The following OTC variants were observed in gnomAD, a reference collection of about 807,000 sequenced individuals.
OTC encodes ornithine transcarbamylase, mitochondrial.
Under a neutral mutation model 30.3 loss-of-function variants are expected in OTC, and 3 were observed. That is an observed-to-expected ratio of 0.10 (90% CI 0.05 to 0.26). OTC has a LOEUF of 0.26. Ranked by LOEUF, OTC falls within the 10% of genes least tolerant of loss-of-function variation. The probability of loss-of-function intolerance (pLI) is 1.00; values close to 1 mark genes in which losing one functional copy is unlikely to be tolerated. For missense variants in OTC, 194 were observed against 260.3 expected (o/e 0.75, Z 1.75); for synonymous variants, 111 against 99.7 (o/e 1.11, Z -0.67).
intron 4 of OTC, among the ~76,000 whole-genome samples, chrX:38,388,662 A>G (rs763846953): frequency 8.9e-6 from 1 of 111,867 alleles, no homozygotes; most frequent in South Asian, 3.8e-4. Flanking sequence ...AGTGCATAAT[A>G]GCTTCCCAGT....
At chrX:38,350,688 T>C (rs1160561013), upstream of OTC, among the ~76,000 whole-genome samples, 1 of 111,684 alleles carries the variant, frequency 9.0e-6, no homozygotes, top group Non-Finnish European at 1.9e-5. Context: ...ATCTTAACTT[T>C]TTTTTAGTTC....
intron 1 of OTC, among the ~76,000 whole-genome samples, chrX:38,363,084 ACT>A (rs749600173): frequency 5.4e-4 from 60 of 111,366 alleles, no homozygotes; most frequent in Non-Finnish European, 9.4e-4. Context: ...CAGTTTGGAG[ACT>A]CAGCTTTTGT....
chrX:38,334,216 A>G, the OTC span, among the ~76,000 whole-genome samples: 1 of 111,884 alleles, frequency 8.9e-6, no homozygotes, highest in Non-Finnish European at 1.9e-5. Flanking sequence ...CTATGTATTA[A>G]CTCTTTAAAT....
the OTC span, among the ~76,000 whole-genome samples, chrX:38,333,657 G>A: frequency 2.7e-5 from 3 of 111,796 alleles, no homozygotes; most frequent in Non-Finnish European, 5.6e-5. Context: ...AGAAATAGAG[G>A]CATGTATGAA....
At chrX:38,359,627 G>C (rs1039544599) in intron 1 of OTC, among the ~76,000 whole-genome samples, 1 of 110,141 alleles carries the variant, frequency 9.1e-6, no homozygotes, top group Non-Finnish European at 1.9e-5. Context: ...CATCATATTG[G>C]TCAGGCTGGT....
chrX:38,360,511 C>T (rs2068266449), intron 1 of OTC, among the ~76,000 whole-genome samples: 1 of 111,426 alleles, frequency 9.0e-6, no homozygotes, highest in Admixed American at 9.5e-5. Context: ...ACAGTAGAGT[C>T]AGGAAAGGAA....
At chrX:38,404,591 A>G (rs1442576615) in intron 6 of OTC, among the ~76,000 whole-genome samples, 1 of 111,965 alleles carries the variant, frequency 8.9e-6, no homozygotes, top group Non-Finnish European at 1.9e-5. Context: ...CACATGGAAA[A>G]ATAAATGTTC....
intron 4 of OTC, among the ~76,000 whole-genome samples, chrX:38,382,960 C>G (rs748548954): frequency 8.7e-4 from 97 of 112,100 alleles, no homozygotes; most frequent in African/African-American, 3.1e-3. Flanking sequence ...GACAAACAGC[C>G]AAGCATGGGC....
intron 2 of OTC, among the ~76,000 whole-genome samples, chrX:38,368,880 G>A (rs188016508): frequency 5.0e-4 from 54 of 107,236 alleles, no homozygotes; most frequent in African/African-American, 1.6e-3. Flanking sequence ...TTAGCTGGCA[G>A]GAATCTATTT....
intron 6 of OTC, 128 bp downstream of exon 6, chrX:38,403,868 G>T: frequency 1.5e-6 from 1 of 685,675 alleles, no homozygotes. Context: ...TTTAGGTTAC[G>T]TTACCAGCCC....
At chrX:38,333,863 A>G in the OTC span, among the ~76,000 whole-genome samples, 1 of 112,527 alleles carries the variant, frequency 8.9e-6, no homozygotes, top group Non-Finnish European at 1.9e-5. Flanking sequence ...AAGCATATAC[A>G]TTTACAAAAC....
At chrX:38,398,306 T>C (rs1489839496) in intron 4 of OTC, among the ~76,000 whole-genome samples, 2 of 112,047 alleles carry the variant, frequency 1.8e-5, no homozygotes, top group African/African-American at 6.5e-5. Flanking sequence ...TTTCTTCATC[T>C]TTGAGGTTAA....
rs1445329557 is a variant in OTC, at chrX:38,421,076, A to T, written c.1059A>T (p.Lys353Asn). The T allele has an allele frequency of 8.4e-7, 1 of 1,184,513 alleles. No individual in the cohort carries two copies. The highest frequency in any genetic ancestry group is 1.1e-6 in the Non-Finnish European group (1 of 872,389). ...TDYSPQLQKP[K>N]F ...ACTCACCTCAGCTCCAGAAGCCTAA[A>T]TTTTGATGTTGTGTTACTTGTCAAG... The change falls in exon 10 of 10, where the codon AAA (lysine) becomes AAT (asparagine). Residue 353 changes from lysine to asparagine, a missense_variant. By Grantham distance (94) the Lys-to-Asn change is moderately conservative (BLOSUM62 0). Transcript: ENST00000039007.
intron 5 of OTC, among the ~76,000 whole-genome samples, chrX:38,402,427 G>A (rs2068494273): frequency 8.9e-6 from 1 of 112,430 alleles, no homozygotes; most frequent in Admixed American, 9.4e-5. Context: ...ATAAATAGCA[G>A]CTTGTTAAGA....
intron 2 of OTC, among the ~76,000 whole-genome samples, chrX:38,368,608 C>G (rs1374162061): frequency 9.4e-6 from 1 of 106,681 alleles, no homozygotes; most frequent in Non-Finnish European, 1.9e-5. Flanking sequence ...AATACAGTAG[C>G]TTCATTTGGA....
chrX:38,333,541 T>A, the OTC span, among the ~76,000 whole-genome samples: 2 of 112,128 alleles, frequency 1.8e-5, no homozygotes, highest in South Asian at 7.6e-4. Context: ...TAGGAAATCA[T>A]GTTGATACAC....
At chrX:38,415,970 T>A (rs188060713) in intron 9 of OTC, among the ~76,000 whole-genome samples, 1 of 112,445 alleles carries the variant, frequency 8.9e-6, no homozygotes, top group East Asian at 2.8e-4. Flanking sequence ...ACTATTGGTA[T>A]TGGACAGCAC....
chrX:38,406,676 G>T (rs1168740347), intron 6 of OTC, among the ~76,000 whole-genome samples: 3 of 112,002 alleles, frequency 2.7e-5, no homozygotes, highest in African/African-American at 9.7e-5. Context: ...TAAATTTTCA[G>T]GGTAGGAGGC....
upstream of OTC, among the ~76,000 whole-genome samples, chrX:38,350,939 G>A (rs1277794995): frequency 1.8e-5 from 2 of 111,927 alleles, no homozygotes; most frequent in South Asian, 3.7e-4. Flanking sequence ...CCATGCAAAC[G>A]TTCAATTTCA....
Sources: gnomAD v4.1 joint callset for allele counts (sites outside exome capture counted in the v4.1 genomes callset) on GRCh38, gnomAD v4.1.1 for gene constraint, MANE v1.5 for transcripts, NCBI Gene and HGNC (gene_info 2026-07-23, HGNC 2026-07-21) for gene names.